SIL1: variants seen among roughly 807,000 people sequenced by gnomAD.
The protein encoded by SIL1 is SIL1 nucleotide exchange factor, also known as nucleotide exchange factor SIL1.
A neutral mutation model predicts 49.1 loss-of-function variants in SIL1; 40 were observed. The ratio of observed to expected loss-of-function variants is 0.81; its 90% CI spans 0.63 to 1.06. The LOEUF (loss-of-function observed/expected upper bound fraction) is 1.06, where lower values mean the gene tolerates loss of function less well. Among genes scored for constraint, SIL1 ranks in the 50% least tolerant of loss-of-function variants. The probability of loss-of-function intolerance (pLI) is 0.00; values close to 1 mark genes in which losing one functional copy is unlikely to be tolerated. For synonymous variants in SIL1, 253 were observed against 250.8 expected (o/e 1.01, Z -0.08); for missense variants, 500 against 572.6 (o/e 0.87, Z 1.29).
At chr5:139,167,271 TTAAAAGAA>T (rs1449694940) in intron 1 of SIL1, among the ~76,000 whole-genome samples, 1 of 152,128 alleles carries the variant, frequency 6.6e-6, no homozygotes, top group Non-Finnish European at 1.5e-5. Flanking sequence ...AGGAGTGGCT[TTAAAAGAA>T]AAACAAAGTT....
chr5:139,041,564 G>A (rs1769048486), intron 5 of SIL1, among the ~76,000 whole-genome samples: 1 of 152,124 alleles, frequency 6.6e-6, no homozygotes, highest in Non-Finnish European at 1.5e-5. Flanking sequence ...AGCACTTTGG[G>A]AGGCCAAGGT....
chr5:139,023,055 C>T (rs1235019177), intron 6 of SIL1, among the ~76,000 whole-genome samples: 1 of 152,154 alleles, frequency 6.6e-6, no homozygotes, highest in African/African-American at 2.4e-5. Context: ...AATCATGGAC[C>T]TTCTGTTCTA....
In SIL1 at chr5:139,185,558, G is replaced by A. The variant is rs755707265; in HGVS notation, c.-11+12711C>T. 4.6e-5 allele frequency among the ~76,000 whole-genome samples: 7 copies of A among 152,180 alleles called. No homozygotes were observed. In the South Asian group the frequency reaches 6.2e-4, roughly 13 times the overall value. On this transcript the variant is annotated intron_variant, in intron 1 of 9. Transcript: ENST00000394817. Reference sequence around the variant, plus strand: ...TCACAGTTTCCAAGAACTTATGACCGATGTCAAGTGAGGACTTACTGTATA... The same window carrying A: ...TCACAGTTTCCAAGAACTTATGACCAATGTCAAGTGAGGACTTACTGTATA...
chr5:138,976,825 C>T (rs1448997827), intron 7 of SIL1, among the ~76,000 whole-genome samples: 2 of 151,922 alleles, frequency 1.3e-5, no homozygotes, highest in Non-Finnish European at 2.9e-5. Context: ...ATAGAGGAAA[C>T]AATATATATG....
chr5:138,957,895 C>G (rs534686051), intron 7 of SIL1, among the ~76,000 whole-genome samples: 3 of 152,088 alleles, frequency 2.0e-5, no homozygotes, highest in South Asian at 4.2e-4. Flanking sequence ...CCTTACCCCC[C>G]ACTCTTTCCT....
chr5:139,188,217 A>T (rs1372176234), intron 1 of SIL1, among the ~76,000 whole-genome samples: 1 of 152,224 alleles, frequency 6.6e-6, no homozygotes, highest in East Asian at 1.9e-4. Context: ...AGTGGTATAT[A>T]GTGTCCTGGA....
intron 7 of SIL1, among the ~76,000 whole-genome samples, chr5:138,988,630 G>A (rs1767692984): frequency 6.6e-6 from 1 of 152,154 alleles, no homozygotes; most frequent in South Asian, 2.1e-4. Context: ...CTCCTAAGAA[G>A]CTCTTTATGG....
intron 5 of SIL1, among the ~76,000 whole-genome samples, chr5:139,039,835 C>G (rs567555451): frequency 1.3e-5 from 2 of 152,260 alleles, no homozygotes; most frequent in East Asian, 3.9e-4. Context: ...ATAAAAGCAT[C>G]AAGCAATTTG....
chr5:139,106,555 A>AT (rs938931671), intron 3 of SIL1, among the ~76,000 whole-genome samples: 7 of 152,222 alleles, frequency 4.6e-5, no homozygotes, highest in African/African-American at 9.6e-5. Flanking sequence ...TTTAGCATTG[A>AT]TTTTTTTTAA....
intron 1 of SIL1, among the ~76,000 whole-genome samples, chr5:139,185,004 A>G (rs920309850): frequency 1.3e-5 from 2 of 152,208 alleles, no homozygotes; most frequent in Non-Finnish European, 2.9e-5. Context: ...GTCTCCAAAT[A>G]ACATTGCTTC....
At chr5:139,172,986 T>C (rs1751805452) in intron 1 of SIL1, among the ~76,000 whole-genome samples, 1 of 151,970 alleles carries the variant, frequency 6.6e-6, no homozygotes, top group Non-Finnish European at 1.5e-5. Context: ...CCCCAGGATG[T>C]TGCAACACCA....
intron 3 of SIL1, among the ~76,000 whole-genome samples, chr5:139,119,807 G>A (rs1042941275): frequency 4.6e-5 from 7 of 152,102 alleles, no homozygotes; most frequent in Non-Finnish European, 7.3e-5. Context: ...TAAAATCAGC[G>A]GATATAGTCC....
chr5:138,994,702 T>G (rs1767825768), intron 7 of SIL1, among the ~76,000 whole-genome samples: 1 of 152,174 alleles, frequency 6.6e-6, no homozygotes, highest in Non-Finnish European at 1.5e-5. Flanking sequence ...TAATAAATTT[T>G]TAATAAATTT....
intron 3 of SIL1, among the ~76,000 whole-genome samples, chr5:139,096,052 G>A (rs1365146081): frequency 1.3e-5 from 2 of 152,172 alleles, no homozygotes; most frequent in African/African-American, 4.8e-5. Flanking sequence ...TGAAGAGATA[G>A]AAAAGATAGC....
At chr5:139,170,486 C>T (rs1751730217) in intron 1 of SIL1, among the ~76,000 whole-genome samples, 2 of 150,770 alleles carry the variant, frequency 1.3e-5, no homozygotes, top group African/African-American at 2.5e-5. Flanking sequence ...GGCCGCCCAT[C>T]GTCTGAGATG....
chr5:139,128,679 TAAGGATGGAAGGACATCCCATG>T, intron 1 of SIL1, among the ~76,000 whole-genome samples: 1 of 150,508 alleles, frequency 6.6e-6, no homozygotes, highest in South Asian at 2.1e-4. Context: ...TAAAAGAATA[TAAGGATGGAAGGACATCCCATG>T]TTCATGAATT....
chr5:138,962,495 T>C (rs1767043094), intron 7 of SIL1, among the ~76,000 whole-genome samples: 1 of 152,218 alleles, frequency 6.6e-6, no homozygotes, highest in Admixed American at 6.5e-5. Context: ...ATAACAATAA[T>C]ATTTATCTCA....
intron 7 of SIL1, among the ~76,000 whole-genome samples, chr5:138,959,093 G>A (rs114747417): frequency 0.018 from 2,749 of 152,004 alleles, 40 homozygotes; most frequent in South Asian, 0.058. Flanking sequence ...TTACCTTCTG[G>A]CACAGGATGT....
intron 5 of SIL1, among the ~76,000 whole-genome samples, chr5:139,041,217 T>C (rs1769041283): frequency 6.6e-6 from 1 of 152,208 alleles, no homozygotes; most frequent in Admixed American, 6.5e-5. Flanking sequence ...CTTCACCCAC[T>C]GCTGCTGCCA....
Sources: allele counts gnomAD v4.1 joint callset (sites outside exome capture counted in the v4.1 genomes callset), GRCh38; gene constraint gnomAD v4.1.1; transcripts MANE v1.5; gene names NCBI Gene and HGNC (gene_info 2026-07-23, HGNC 2026-07-21).